Variants in PFKFB3 observed in about 807,000 individuals in gnomAD.
PFKFB3 encodes the protein 6-phosphofructo-2-kinase/fructose-2,6-bisphosphatase 3.
In PFKFB3, 33 loss-of-function variants were observed where a neutral mutation model predicts 68.0. That is an observed-to-expected ratio of 0.49 (90% CI 0.37 to 0.65). The LOEUF (loss-of-function observed/expected upper bound fraction) is 0.65, where lower values mean the gene tolerates loss of function less well. Among genes scored for constraint, PFKFB3 ranks in the 30% least tolerant of loss-of-function variants. The pLI is 0.00. For synonymous variants in PFKFB3, 315 were observed against 288.2 expected, an observed-to-expected ratio of 1.09 and a Z score of -0.94; for missense variants, 586 against 712.2, an observed-to-expected ratio of 0.82 and a Z score of 2.02.
chr10:6,223,037 C>T (rs1026585121), intron 11 of PFKFB3, 53 bp downstream of exon 11: 14 of 1,567,936 alleles, frequency 8.9e-6, no homozygotes, highest in African/African-American at 2.7e-5. Context: ...GACTGGCACT[C>T]GGCGGGGGGT....
chr10:6,196,613 G>A lies in PFKFB3; in HGVS notation c.17-17010G>A, dbSNP rs577060679. On this transcript the variant is annotated intron_variant, in intron 1 of 14. Transcript: ENST00000379789. ...TTCAGCACAGGAGAAAGATGTAGGC[G>A]CAGAGACTAAGCCAGTCTAGTCTTT... is the stretch of plus-strand genomic sequence containing the variant. 7.2e-5 allele frequency among the ~76,000 whole-genome samples: 11 copies of A among 152,286 alleles called. No homozygotes were observed. In the South Asian group the frequency reaches 1.7e-3, roughly 23 times the overall value.
rs1465563576 is a variant in PFKFB3 at position 6,208,676 on chromosome 10, G to A, written c.77-4947G>A. ...GGGTTTGAGTCAGTGGGGGATACAG[G>A]CTGTGCGGGCTGCTGCCTGTCTGTC... On this transcript the variant is annotated intron_variant, in intron 1 of 14. Transcript: ENST00000379775. Among the ~76,000 whole-genome samples, 2 of 152,082 alleles carry A rather than the reference G, an allele frequency of 1.3e-5. 1 individual carries two copies.
the PFKFB3 span, among the ~76,000 whole-genome samples, chr10:6,262,470 A>AG: frequency 7.8e-3 from 247 of 31,762 alleles, 5 homozygotes; most frequent in Non-Finnish European, 0.019. Context: ...AAAAAAAAAA[A>AG]AAAAAAAAAG....
chr10:6,155,358 A>G (rs573205821), intron 1 of PFKFB3, among the ~76,000 whole-genome samples: 59 of 150,954 alleles, frequency 3.9e-4, no homozygotes, highest in South Asian at 8.4e-4. Flanking sequence ...GCCCACCACC[A>G]CGCCCGGCTA....
At chr10:6,325,033 G>A in the PFKFB3 span, among the ~76,000 whole-genome samples, 1 of 152,216 alleles carries the variant, frequency 6.6e-6, no homozygotes, top group African/African-American at 2.4e-5. Flanking sequence ...GTGCAATCTT[G>A]ACTCACTATA....
intron 1 of PFKFB3, among the ~76,000 whole-genome samples, chr10:6,195,923 T>A (rs1258731234): frequency 6.6e-6 from 1 of 152,182 alleles, no homozygotes; most frequent in African/African-American, 2.4e-5. Flanking sequence ...GGTTGCGGGT[T>A]CCAACATCCT....
Position 6,156,817 on chromosome 10 carries a change from C to T in PFKFB3, c.16+11804C>T, listed in dbSNP as rs148794132. 9.7e-3 allele frequency among the ~76,000 whole-genome samples: 1,473 copies of T among 151,596 alleles called. 56 individuals carry two copies. The highest frequency in any genetic ancestry group is 0.067 in the Admixed American group (1,021 of 15,270). ...CTCTTTTTAAAGTATCTGGGCTGGGCGTGGTGACTCACGCCTGTAATCCCA... is the reference window on the plus strand; with the variant it reads ...CTCTTTTTAAAGTATCTGGGCTGGGTGTGGTGACTCACGCCTGTAATCCCA... On this transcript the variant is annotated intron_variant, in intron 1 of 14. Transcript: ENST00000379789.
chr10:6,203,361 G>A (rs770318396), intron 1 of PFKFB3, 25 bp downstream of exon 1: 1 of 1,566,456 alleles, frequency 6.4e-7, no homozygotes, highest in Non-Finnish European at 8.7e-7. Context: ...GCGGAGCCGG[G>A]TTGCAGGGCG....
chr10:6,190,427 A>T (rs1163530931), intron 1 of PFKFB3, among the ~76,000 whole-genome samples: 2 of 152,228 alleles, frequency 1.3e-5, no homozygotes, highest in Non-Finnish European at 2.9e-5. Flanking sequence ...CATTCATTGT[A>T]TCCACAGTTG....
At chr10:6,203,587 G>A (rs1404603350) in intron 1 of PFKFB3, among the ~76,000 whole-genome samples, 1 of 151,790 alleles carries the variant, frequency 6.6e-6, no homozygotes, top group Non-Finnish European at 1.5e-5. Flanking sequence ...CCCCGAGACG[G>A]AGGGACGCGC....
intron 1 of PFKFB3, among the ~76,000 whole-genome samples, chr10:6,197,179 G>A (rs1843201091): frequency 6.6e-6 from 1 of 152,010 alleles, no homozygotes; most frequent in South Asian, 2.1e-4. Context: ...GTTTTACCAT[G>A]TTGGTCAGGC....
the PFKFB3 span, among the ~76,000 whole-genome samples, chr10:6,265,513 A>G: frequency 6.6e-6 from 1 of 152,182 alleles, no homozygotes; most frequent in East Asian, 1.9e-4. Flanking sequence ...TGTTTAGGCT[A>G]TACATCCCTG....
the PFKFB3 span, among the ~76,000 whole-genome samples, chr10:6,281,703 T>C: frequency 6.6e-6 from 1 of 152,142 alleles, no homozygotes; most frequent in African/African-American, 2.4e-5. Flanking sequence ...TGGGGCAAAC[T>C]TTGAGGTATT....
At chr10:6,260,138 G>C in the PFKFB3 span, among the ~76,000 whole-genome samples, 4 of 152,090 alleles carry the variant, frequency 2.6e-5, no homozygotes, top group Non-Finnish European at 5.9e-5. Context: ...CATTGGCCGG[G>C]CACGGTGGCT....
chr10:6,221,730 C>A lies in PFKFB3; in HGVS notation c.1068C>A (p.Arg356=). ...ALREQDKYYY[R]YPTGESYQDL... Reference sequence around the variant, plus strand: ...GGGAGCAGGACAAGTACTATTACCGCTACCCCACCGGGGAGGTGAGCGCAG... The same window carrying A: ...GGGAGCAGGACAAGTACTATTACCGATACCCCACCGGGGAGGTGAGCGCAG... Residue 356 remains arginine, a synonymous_variant, in exon 10 of 15, where the codon CGC becomes CGA. Transcript: ENST00000379775. The A allele has an allele frequency of 6.2e-7, 1 of 1,601,500 alleles. No individual in the cohort carries two copies. The highest frequency in any genetic ancestry group is 8.5e-7 in the Non-Finnish European group (1 of 1,175,222).
chr10:6,173,820 C>G (rs762056574), intron 1 of PFKFB3, among the ~76,000 whole-genome samples: 5 of 151,850 alleles, frequency 3.3e-5, no homozygotes, highest in Non-Finnish European at 7.4e-5. Flanking sequence ...TAGTGGCAGT[C>G]GGGAGCCAGT....
intron 1 of PFKFB3, among the ~76,000 whole-genome samples, chr10:6,181,122 G>C (rs4750062): frequency 0.35 from 53,772 of 151,934 alleles, 9,923 homozygotes; most frequent in East Asian, 0.62. Context: ...TCAAGCTATC[G>C]CCCCACCTCA....
intron 14 of PFKFB3, among the ~76,000 whole-genome samples, chr10:6,253,155 T>C (rs1417823938): frequency 6.6e-6 from 1 of 152,040 alleles, no homozygotes; most frequent in African/African-American, 2.4e-5. Flanking sequence ...CCTGACCTTG[T>C]GATCCACACG....
intron 1 of PFKFB3, among the ~76,000 whole-genome samples, chr10:6,181,481 TC>T (rs1465098135): frequency 6.6e-6 from 1 of 152,170 alleles, no homozygotes; most frequent in Non-Finnish European, 1.5e-5. Context: ...ACAACATACA[TC>T]AGCCCTGAAG....
Sources: allele counts gnomAD v4.1 joint callset (sites outside exome capture counted in the v4.1 genomes callset), GRCh38; gene constraint gnomAD v4.1.1; transcripts MANE v1.5; gene names NCBI Gene and HGNC (gene_info 2026-07-23, HGNC 2026-07-21).